Variants in MYO3B observed in about 807,000 individuals in gnomAD.
The protein encoded by MYO3B is myosin IIIB.
MYO3B carries 156 observed loss-of-function variants against 174.6 expected under a neutral mutation model. The observed-to-expected ratio is 0.89, with a 90% CI of 0.78 to 1.02. The LOEUF is 1.02. MYO3B is among the 50% of genes least tolerant of loss of function. The probability of loss-of-function intolerance (pLI) is 0.00; values close to 1 mark genes in which losing one functional copy is unlikely to be tolerated. For missense variants in MYO3B, 1,632 were observed against 1,639.4 expected (o/e 1.00, Z 0.08); for synonymous variants, 563 against 569.1 (o/e 0.99, Z 0.15).
At chr2:170,529,116 T>C (rs886729746) in intron 30 of MYO3B, among the ~76,000 whole-genome samples, 8 of 152,220 alleles carry the variant, frequency 5.3e-5, no homozygotes, top group African/African-American at 1.9e-4. Context: ...ATTTTTAGCA[T>C]GATAATGCCT....
At chr2:170,331,189 T>C (rs1009008041) in intron 7 of MYO3B, among the ~76,000 whole-genome samples, 1 of 152,184 alleles carries the variant, frequency 6.6e-6, no homozygotes, top group African/African-American at 2.4e-5. Context: ...TGATTTAAGA[T>C]GAAATCAAGT....
chr2:170,325,156 C>A (rs1322843276), intron 7 of MYO3B, among the ~76,000 whole-genome samples: 11 of 152,100 alleles, frequency 7.2e-5, no homozygotes. Flanking sequence ...ACTCTCTTTA[C>A]TCCTTAGTAT....
chr2:170,220,062 T>G (rs947797421), intron 6 of MYO3B, among the ~76,000 whole-genome samples: 1 of 151,866 alleles, frequency 6.6e-6, no homozygotes, highest in Non-Finnish European at 1.5e-5. Context: ...ATCGAGACCA[T>G]CCTGGCTAAC....
chr2:170,546,776 C>G (rs1295837562), intron 32 of MYO3B, among the ~76,000 whole-genome samples: 3 of 152,126 alleles, frequency 2.0e-5, no homozygotes, highest in Non-Finnish European at 4.4e-5. Flanking sequence ...ATTATTTTAA[C>G]CCATGTTTTT....
chr2:170,371,948 T>G (rs905919632), intron 9 of MYO3B, among the ~76,000 whole-genome samples: 2 of 149,218 alleles, frequency 1.3e-5, no homozygotes, highest in African/African-American at 4.9e-5. Context: ...ACTAAAAAAA[T>G]TAAATAAATA....
chr2:170,351,788 A>G (rs775220792), intron 8 of MYO3B, among the ~76,000 whole-genome samples: 22 of 152,238 alleles, frequency 1.4e-4, no homozygotes, highest in African/African-American at 5.3e-4. Context: ...AAATGAAACT[A>G]AATTCATGGA....
chr2:170,497,700 C>A lies in MYO3B; in HGVS notation c.3015-892C>A, dbSNP rs548881486. Among the ~76,000 whole-genome samples the A allele has an allele frequency of 2.0e-5, 3 of 152,128 alleles. No individual in the cohort carries two copies. In the East Asian group the frequency reaches 5.8e-4, roughly 29 times the overall value. On this transcript the variant is annotated intron_variant, in intron 25 of 34. Transcript: ENST00000408978. ...AGGCTCCTGTGTCACTTAAAACTTACGTTAAATGAATTGGTACGCATTTCT... is the reference window on the plus strand; with the variant it reads ...AGGCTCCTGTGTCACTTAAAACTTAAGTTAAATGAATTGGTACGCATTTCT...
At chr2:170,515,675 T>C (rs1377637728) in intron 29 of MYO3B, among the ~76,000 whole-genome samples, 2 of 152,086 alleles carry the variant, frequency 1.3e-5, no homozygotes, top group East Asian at 3.9e-4. Context: ...TTTTGAAGTA[T>C]GGTCTTTAAT....
chr2:170,451,609 T>A (rs1040142465), intron 23 of MYO3B, among the ~76,000 whole-genome samples: 2 of 152,260 alleles, frequency 1.3e-5, no homozygotes, highest in African/African-American at 2.4e-5. Flanking sequence ...TTTCTATTTT[T>A]CTAACAAAAT....
chr2:170,229,728 C>T (rs1224080775), intron 6 of MYO3B, among the ~76,000 whole-genome samples: 1 of 152,110 alleles, frequency 6.6e-6, no homozygotes, highest in African/African-American at 2.4e-5. Flanking sequence ...TCTAGAAGCT[C>T]ATATATTGAC....
chr2:170,609,149 T>G (rs6708842), intron 32 of MYO3B, among the ~76,000 whole-genome samples: 31,058 of 152,106 alleles, frequency 0.2, 3,996 homozygotes, highest in East Asian at 0.43. Context: ...TGCTTGCTGA[T>G]TTCCTTGCCC....
intron 23 of MYO3B, among the ~76,000 whole-genome samples, chr2:170,446,193 CA>C (rs1204808164): frequency 2.6e-5 from 4 of 152,192 alleles, no homozygotes; most frequent in Admixed American, 2.6e-4. Flanking sequence ...TAAATTTTAG[CA>C]AGTAGGCAAA....
intron 32 of MYO3B, among the ~76,000 whole-genome samples, chr2:170,572,665 T>C (rs555451159): frequency 6.1e-4 from 92 of 151,252 alleles, no homozygotes; most frequent in African/African-American, 2.1e-3. Flanking sequence ...GCATATGCCC[T>C]ATGCTCAAGG....
At chr2:170,597,437 A>T (rs532755151) in intron 32 of MYO3B, among the ~76,000 whole-genome samples, 71 of 151,788 alleles carry the variant, frequency 4.7e-4, no homozygotes, top group Non-Finnish European at 8.5e-4. Flanking sequence ...TCAGCCAACC[A>T]AGCAAGGAGC....
intron 7 of MYO3B, among the ~76,000 whole-genome samples, chr2:170,321,222 A>G (rs1344450664): frequency 6.6e-6 from 1 of 152,240 alleles, no homozygotes; most frequent in Non-Finnish European, 1.5e-5. Flanking sequence ...AAAGAATGAA[A>G]GCAAATGAAT....
intron 22 of MYO3B, among the ~76,000 whole-genome samples, chr2:170,427,605 A>G (rs1166908423): frequency 1.3e-5 from 2 of 152,224 alleles, no homozygotes; most frequent in Non-Finnish European, 2.9e-5. Flanking sequence ...AATTGGGCAC[A>G]TGCAAGTTTG....
intron 32 of MYO3B, among the ~76,000 whole-genome samples, chr2:170,545,693 A>G (rs1312568562): frequency 6.6e-6 from 1 of 152,238 alleles, no homozygotes; most frequent in Non-Finnish European, 1.5e-5. Context: ...CTGATTTGCT[A>G]TAAATGGCTC....
intron 7 of MYO3B, among the ~76,000 whole-genome samples, chr2:170,262,212 G>A (rs759475697): frequency 1.4e-4 from 22 of 152,230 alleles, no homozygotes; most frequent in Non-Finnish European, 2.6e-4. Flanking sequence ...GGGGATTGGG[G>A]CCAAAGTGAT....
chr2:170,461,927 A>G (rs1484374257), intron 23 of MYO3B, among the ~76,000 whole-genome samples: 1 of 152,252 alleles, frequency 6.6e-6, no homozygotes, highest in South Asian at 2.1e-4. Context: ...GGCTGGCCCT[A>G]GCCAAGACCT....
Sources: allele counts gnomAD v4.1 joint callset (sites outside exome capture counted in the v4.1 genomes callset), GRCh38; gene constraint gnomAD v4.1.1; transcripts MANE v1.5; gene names NCBI Gene and HGNC (gene_info 2026-07-23, HGNC 2026-07-21).